The following GPHN variants were observed in gnomAD, a reference collection of about 807,000 sequenced individuals.
GPHN encodes the protein gephyrin.
GPHN carries 17 observed loss-of-function variants against 95.5 expected under a neutral mutation model. That is an observed-to-expected ratio of 0.18 (90% confidence interval 0.12 to 0.27). GPHN has a LOEUF of 0.27. Among genes scored for constraint, GPHN ranks in the 10% least tolerant of loss-of-function variants. The pLI is 1.00. For missense variants in GPHN, 660 were observed against 978.1 expected, an observed-to-expected ratio of 0.67 and a Z score of 4.34; for synonymous variants, 320 against 322.5, an observed-to-expected ratio of 0.99 and a Z score of 0.08.
chr14:66,811,630 A>G (rs1173698410), intron 3 of GPHN, among the ~76,000 whole-genome samples: 1 of 152,090 alleles, frequency 6.6e-6, no homozygotes, highest in African/African-American at 2.4e-5. Flanking sequence ...TCTAGAACCT[A>G]GTTTACAATT....
chr14:67,286,677 G>A, the GPHN span, among the ~76,000 whole-genome samples: 1 of 149,134 alleles, frequency 6.7e-6, no homozygotes, highest in East Asian at 2.0e-4. Flanking sequence ...GCAACCTGGT[G>A]AAACTCCATC....
chr14:66,854,334 G>A (rs1596154855), intron 4 of GPHN, among the ~76,000 whole-genome samples: 1 of 152,110 alleles, frequency 6.6e-6, no homozygotes. Context: ...GGGAAGAATA[G>A]TACCCTTTCT....
chr14:67,453,796 G>A, the GPHN span, among the ~76,000 whole-genome samples: 18 of 152,334 alleles, frequency 1.2e-4, 1 homozygote, highest in Admixed American at 9.1e-4. Context: ...CAGGCTTAGA[G>A]CTCAGCCGTG....
At chr14:66,632,458 G>T (rs910150354) in intron 1 of GPHN, among the ~76,000 whole-genome samples, 1 of 145,354 alleles carries the variant, frequency 6.9e-6, no homozygotes, top group African/African-American at 2.5e-5. Flanking sequence ...TTACAGATTT[G>T]TCTCCATACT....
intron 2 of GPHN, among the ~76,000 whole-genome samples, chr14:66,711,387 T>C (rs1402098511): frequency 1.3e-5 from 2 of 152,180 alleles, no homozygotes; most frequent in Non-Finnish European, 2.9e-5. Flanking sequence ...TTCTTTTGGC[T>C]GAGTAGTATT....
chr14:67,225,979 GCA>G, the GPHN span, among the ~76,000 whole-genome samples: 1 of 144,764 alleles, frequency 6.9e-6, no homozygotes, highest in African/African-American at 2.7e-5. Flanking sequence ...GCGCGCGTGC[GCA>G]TGCGCGTGCA....
chr14:67,600,279 G>T, the GPHN span: 1 of 1,296,124 alleles, frequency 7.7e-7, no homozygotes, highest in Non-Finnish European at 1.0e-6. Context: ...GCCCGCTCCA[G>T]ACCCGCTTCC....
chr14:67,110,265 T>A lies in GPHN; in HGVS notation c.1413+6T>A. The stretch of plus-strand genomic sequence containing the variant: ...TTATCAGGGAATCAGATGATGTACG[T>A]CATCACCAAGTCTTACTGTGCTGTT... On this transcript the variant is annotated splice_donor_region_variant and intron_variant, in intron 14 of 22. Coordinates refer to ENST00000478722, the MANE Select transcript of GPHN (RefSeq NM_020806.5). 6.2e-7 allele frequency: 1 copy of A among 1,613,430 alleles called. No homozygotes were observed. Among genetic ancestry groups the A allele is most frequent in the South Asian group, 1.1e-5 (1 of 91,082 alleles).
chr14:67,276,403 AT>A, the GPHN span, among the ~76,000 whole-genome samples: 5 of 152,204 alleles, frequency 3.3e-5, no homozygotes, highest in African/African-American at 1.2e-4. Flanking sequence ...TATCTGGCTA[AT>A]TTTTAGTTGC....
chr14:67,552,100 TTCA>T, the GPHN span, among the ~76,000 whole-genome samples: 1 of 152,210 alleles, frequency 6.6e-6, no homozygotes, highest in Non-Finnish European at 1.5e-5. Flanking sequence ...CCAAGTGCAC[TTCA>T]TCAGGTTGCT....
chr14:66,815,675 A>T (rs532537693), intron 3 of GPHN, among the ~76,000 whole-genome samples: 38 of 152,368 alleles, frequency 2.5e-4, no homozygotes, highest in African/African-American at 8.9e-4. Context: ...CTAAGTGTGG[A>T]AAGGAAAGAC....
intron 1 of GPHN, among the ~76,000 whole-genome samples, chr14:66,523,436 C>T (rs993180041): frequency 9.2e-5 from 14 of 151,972 alleles, no homozygotes; most frequent in African/African-American, 3.4e-4. Context: ...AATTAGCACT[C>T]CCTCCAAAAT....
chr14:67,203,043 C>A, the GPHN span: 1 of 1,570,638 alleles, frequency 6.4e-7, no homozygotes, highest in Non-Finnish European at 8.6e-7. Flanking sequence ...GCAAGGTTGT[C>A]AAAGCCACAC....
chr14:67,198,244 A>T, the GPHN span: 10 of 1,613,948 alleles, frequency 6.2e-6, no homozygotes, highest in Non-Finnish European at 8.5e-6. Flanking sequence ...GATCCGAGAG[A>T]TCTTCAAAAT....
Position 67,083,479 on chromosome 14 carries a change from C to T in GPHN, c.1145-5504C>T, listed in dbSNP as rs557945593. On this transcript the variant is annotated intron_variant, in intron 11 of 22. Coordinates refer to ENST00000478722, the MANE Select transcript of GPHN (RefSeq NM_020806.5). ...TGAGGCCTCCCCAGAAGAAAAAAGC[C>T]ACTATGCTTCTTGTACAGCCTACAG... 3.3e-5 allele frequency among the ~76,000 whole-genome samples: 5 copies of T among 152,286 alleles called. No homozygotes were observed. In the South Asian group the frequency reaches 1.0e-3, roughly 32 times the overall value.
chr14:67,247,741 C>A, the GPHN span, among the ~76,000 whole-genome samples: 2 of 152,042 alleles, frequency 1.3e-5, no homozygotes, highest in African/African-American at 4.8e-5. Context: ...CTATGCCCAG[C>A]TAATTTTTTG....
intron 2 of GPHN, among the ~76,000 whole-genome samples, chr14:66,729,539 T>C (rs1225170970): frequency 6.6e-6 from 1 of 152,188 alleles, no homozygotes; most frequent in Non-Finnish European, 1.5e-5. Context: ...GGGAATTTAC[T>C]AGAAAGGGAA....
chr14:67,152,834 G>A (rs987878713), intron 18 of GPHN, among the ~76,000 whole-genome samples: 12 of 152,038 alleles, frequency 7.9e-5, no homozygotes, highest in African/African-American at 2.7e-4. Context: ...GTGTGGTGGT[G>A]CATGCCTGTC....
intron 17 of GPHN, among the ~76,000 whole-genome samples, chr14:67,138,114 TG>T (rs2080209425): frequency 6.6e-6 from 1 of 152,324 alleles, no homozygotes; most frequent in African/African-American, 2.4e-5. Context: ...TCTTTCATAA[TG>T]CAAATATTAC....
Sources: allele counts gnomAD v4.1 joint callset (sites outside exome capture counted in the v4.1 genomes callset), GRCh38; gene constraint gnomAD v4.1.1; transcripts MANE v1.5; gene names NCBI Gene and HGNC (gene_info 2026-07-23, HGNC 2026-07-21).